Variants in ARHGAP32 observed in about 807,000 individuals in gnomAD.
ARHGAP32 encodes the protein Rho GTPase activating protein 32.
A neutral mutation model predicts 186.5 loss-of-function variants in ARHGAP32; 51 were observed. The ratio of observed to expected loss-of-function variants is 0.27; its 90% CI spans 0.22 to 0.35. The LOEUF is 0.35. Among genes scored for constraint, ARHGAP32 ranks in the 10% least tolerant of loss-of-function variants. The pLI, the probability that ARHGAP32 is intolerant of heterozygous loss-of-function variation, is 1.00. For missense variants in ARHGAP32, 2,186 were observed against 2,623.5 expected (o/e 0.83, Z 3.64); for synonymous variants, 950 against 964.3 (o/e 0.99, Z 0.27).
chr11:129,198,553 CTCTTAT>C (rs1944420966), intron 1 of ARHGAP32, among the ~76,000 whole-genome samples: 1 of 151,814 alleles, frequency 6.6e-6, no homozygotes, highest in Admixed American at 6.6e-5. Context: ...TGTCGCTTGG[CTCTTAT>C]TCTCTCTTTG....
At chr11:128,977,838 C>T (rs1945590300) in intron 19 of ARHGAP32, among the ~76,000 whole-genome samples, 1 of 143,856 alleles carries the variant, frequency 7.0e-6, no homozygotes, top group Non-Finnish European at 1.5e-5. Flanking sequence ...CACCAAGCCT[C>T]GCTTATTTGC....
intron 1 of ARHGAP32, among the ~76,000 whole-genome samples, chr11:129,272,545 G>C (rs1217384702): frequency 6.6e-6 from 1 of 152,194 alleles, no homozygotes; most frequent in Non-Finnish European, 1.5e-5. Context: ...TAAAAGAGAA[G>C]CTAGGAAATG....
chr11:129,235,931 A>T (rs1304695717), intron 1 of ARHGAP32, among the ~76,000 whole-genome samples: 1 of 122,038 alleles, frequency 8.2e-6, no homozygotes, highest in Non-Finnish European at 1.8e-5. Flanking sequence ...ACACACACAC[A>T]CACACACACT....
intron 2 of ARHGAP32, among the ~76,000 whole-genome samples, chr11:129,141,496 C>T (rs1437717810): frequency 6.6e-6 from 1 of 151,768 alleles, no homozygotes; most frequent in African/African-American, 2.4e-5. Flanking sequence ...GGGGAAGGGA[C>T]AGCATTAGGA....
intron 1 of ARHGAP32, among the ~76,000 whole-genome samples, chr11:129,188,332 T>C (rs1944204156): frequency 6.6e-6 from 1 of 152,164 alleles, no homozygotes; most frequent in South Asian, 2.1e-4. Flanking sequence ...ATCAAGAATT[T>C]CTGCAGAAGA....
At position 128,969,346 on chromosome 11, in the gene ARHGAP32, A is replaced by G. The variant is rs747989585; in HGVS notation, c.5867T>C (p.Val1956Ala). The change falls in exon 23 of 23, where the codon GTA becomes GCA. Residue 1956 changes from valine to alanine, a missense_variant. Transcript: ENST00000682385. The surrounding 1 kb of genome is among the most constrained non-coding windows in gnomAD (Gnocchi z 4.8). ...QESLRLNHKE[V>A]RLSKEMERPW... The stretch of plus-strand genomic sequence containing the variant: ...TCGCTCCATCTCTTTGGAGAGCCTT[A>G]CCTCTTTGTGGTTCAGTCTTAAAGA... 2 of 1,614,068 alleles carry G rather than the reference A, an allele frequency of 1.2e-6. No homozygotes were observed. Among genetic ancestry groups the G allele is most frequent in the Admixed American group, 3.3e-5 (2 of 60,026 alleles).
chr11:129,139,147 C>T (rs1373000750), intron 2 of ARHGAP32, among the ~76,000 whole-genome samples: 1 of 152,012 alleles, frequency 6.6e-6, no homozygotes, highest in Non-Finnish European at 1.5e-5. Context: ...TAATAAAACC[C>T]TTTTGGCAAG....
Position 129,066,725 on chromosome 11 carries a change from G to GCTTA in ARHGAP32, c.669+2_669+5dup, listed in dbSNP as rs1181920927. The stretch of plus-strand genomic sequence containing the variant: ...TACCTCTGTACTAAATGTACTAAAT[G>GCTTA]CTTACCTCTGGACTGTCCTTCAGGG... On this transcript the variant is annotated splice_donor_region_variant and intron_variant, in intron 7 of 22. Transcript: ENST00000682385. 6.2e-7 allele frequency: 1 copy of GCTTA among 1,610,262 alleles called. No homozygotes were observed. The highest frequency in any genetic ancestry group is 8.5e-7 in the Non-Finnish European group (1 of 1,178,210).
At chr11:128,974,018 T>C (rs564123967) in intron 21 of ARHGAP32, 106 bp downstream of exon 21, 2 of 1,350,018 alleles carry the variant, frequency 1.5e-6, no homozygotes, top group African/African-American at 2.9e-5. Context: ...TTCTCTTTGA[T>C]TAAAGGCTAG....
chr11:129,231,868 T>C (rs986757771), intron 1 of ARHGAP32, among the ~76,000 whole-genome samples: 2 of 151,200 alleles, frequency 1.3e-5, no homozygotes, highest in African/African-American at 4.9e-5. Flanking sequence ...CCATAAAAAA[T>C]ACAAAAATTA....
At chr11:129,245,653 T>G (rs976743739) in intron 1 of ARHGAP32, among the ~76,000 whole-genome samples, 10 of 121,720 alleles carry the variant, frequency 8.2e-5, no homozygotes, top group African/African-American at 3.1e-4. Flanking sequence ...TATCAACAGA[T>G]TAAAATAATA....
At chr11:129,202,494 G>T (rs2135577569) in intron 1 of ARHGAP32, among the ~76,000 whole-genome samples, 1 of 152,018 alleles carries the variant, frequency 6.6e-6, no homozygotes, top group Non-Finnish European at 1.5e-5. Context: ...TACTGACCAA[G>T]ATAAATCAAA....
At chr11:129,193,739 A>G (rs1220840461), upstream of ARHGAP32, among the ~76,000 whole-genome samples, 1 of 97,318 alleles carries the variant, frequency 1.0e-5, no homozygotes, top group Non-Finnish European at 2.0e-5. Context: ...TATAATATAT[A>G]TTATATAATA....
intron 11 of ARHGAP32, among the ~76,000 whole-genome samples, chr11:129,040,399 T>A (rs1415183242): frequency 6.6e-6 from 1 of 152,142 alleles, no homozygotes; most frequent in African/African-American, 2.4e-5. Context: ...CAAAACTAAA[T>A]CACCTCAATA....
intron 1 of ARHGAP32, among the ~76,000 whole-genome samples, chr11:129,271,462 T>C (rs780954734): frequency 8.7e-5 from 13 of 149,212 alleles, no homozygotes; most frequent in Non-Finnish European, 1.9e-4. Context: ...TTGGGGGAGG[T>C]AGAGGAAGAA....
chr11:129,271,913 T>C (rs1163154160), intron 1 of ARHGAP32, among the ~76,000 whole-genome samples: 1 of 151,192 alleles, frequency 6.6e-6, no homozygotes, highest in Non-Finnish European at 1.5e-5. Context: ...AAATCAAGGA[T>C]AAGGATGACT....
chr11:129,014,332 A>G (rs889618553), intron 11 of ARHGAP32, among the ~76,000 whole-genome samples: 2 of 152,208 alleles, frequency 1.3e-5, no homozygotes, highest in Non-Finnish European at 2.9e-5. Context: ...GTTAAGCCAT[A>G]GTGAACCTTG....
chr11:129,119,183 G>T (rs1318048474), intron 5 of ARHGAP32, among the ~76,000 whole-genome samples: 1 of 151,770 alleles, frequency 6.6e-6, no homozygotes, highest in Non-Finnish European at 1.5e-5. Flanking sequence ...AGTATTCTAG[G>T]GTATCTAGGA....
Position 128,980,538 on chromosome 11 carries a change from T to C in ARHGAP32, c.1976+15A>G. On this transcript the variant is annotated intron_variant, in intron 18 of 22. Coordinates refer to ENST00000682385, the MANE Select transcript of ARHGAP32 (RefSeq NM_001378024.1). ...ATGAAAATCATATCCCAAAATAGGA[T>C]TTAACAAATTTTACCTTTCAAGTGG... The C allele has an allele frequency of 6.3e-7, 1 of 1,587,930 alleles. No homozygotes were observed. Among genetic ancestry groups the C allele is most frequent in the South Asian group, 1.2e-5 (1 of 86,670 alleles).
Sources: allele counts gnomAD v4.1 joint callset (sites outside exome capture counted in the v4.1 genomes callset), GRCh38; gene constraint gnomAD v4.1.1; non-coding constraint Gnocchi (gnomAD v3.1); transcripts MANE v1.5; gene names NCBI Gene and HGNC (gene_info 2026-07-23, HGNC 2026-07-21).